The following METTL16 variants were observed in gnomAD, a reference collection of about 807,000 sequenced individuals.
METTL16 encodes the protein RNA N(6)-adenosine-methyltransferase METTL16.
A neutral mutation model predicts 57.9 loss-of-function variants in METTL16; 19 were observed. The observed-to-expected ratio is 0.33, with a 90% CI of 0.23 to 0.48. METTL16 has a LOEUF of 0.48. METTL16 is among the 20% of genes least tolerant of loss of function. The probability of loss-of-function intolerance (pLI) is 0.99; values close to 1 mark genes in which losing one functional copy is unlikely to be tolerated. For synonymous variants in METTL16, 246 were observed against 255.6 expected, an observed-to-expected ratio of 0.96 and a Z score of 0.36; for missense variants, 434 against 691.5, an observed-to-expected ratio of 0.63 and a Z score of 4.18.
intron 5 of METTL16, among the ~76,000 whole-genome samples, chr17:2,466,603 G>C (rs1249241603): frequency 6.6e-6 from 1 of 152,146 alleles, no homozygotes; most frequent in Non-Finnish European, 1.5e-5. Context: ...ATCTGCCTTA[G>C]ATACCAAAAT....
At chr17:2,450,769 G>C (rs971135357) in intron 6 of METTL16, among the ~76,000 whole-genome samples, 1 of 151,786 alleles carries the variant, frequency 6.6e-6, no homozygotes, top group Non-Finnish European at 1.5e-5. Flanking sequence ...TCACCTAATC[G>C]CATTAAAAGG....
intron 6 of METTL16, among the ~76,000 whole-genome samples, chr17:2,442,725 G>T (rs2066962910): frequency 6.6e-6 from 1 of 152,122 alleles, no homozygotes; most frequent in Non-Finnish European, 1.5e-5. Flanking sequence ...GTGTGAAGAG[G>T]TATAGAACAA....
chr17:2,455,600 G>A (rs1030733018), intron 6 of METTL16, among the ~76,000 whole-genome samples: 1 of 152,108 alleles, frequency 6.6e-6, no homozygotes, highest in African/African-American at 2.4e-5. Flanking sequence ...AATCAACAAG[G>A]CTGCCATATC....
At chr17:2,478,001 A>G (rs750532714) in intron 2 of METTL16, 116 bp from the exon 3 acceptor site, 3 of 736,956 alleles carry the variant, frequency 4.1e-6, no homozygotes, top group Non-Finnish European at 6.8e-6. Context: ...GAGATCACAC[A>G]CAGTTACACA....
At chr17:2,452,847 GT>G (rs1292002920) in intron 6 of METTL16, among the ~76,000 whole-genome samples, 1 of 151,692 alleles carries the variant, frequency 6.6e-6, no homozygotes, top group Non-Finnish European at 1.5e-5. Flanking sequence ...ATTGTTTTTT[GT>G]TTTTGTTTTT....
intron 6 of METTL16, among the ~76,000 whole-genome samples, chr17:2,457,621 T>C (rs767326247): frequency 4.0e-5 from 6 of 150,964 alleles, no homozygotes; most frequent in Non-Finnish European, 8.8e-5. Context: ...GGCAGGAGAA[T>C]TGCTTAAACC....
intron 6 of METTL16, among the ~76,000 whole-genome samples, chr17:2,445,523 C>T (rs7221319): frequency 0.25 from 37,604 of 152,050 alleles, 7,332 homozygotes; most frequent in African/African-American, 0.54. Flanking sequence ...TGGTGGCTCA[C>T]GCCTGTAATC....
At chr17:2,462,399 G>C (rs887398609) in intron 6 of METTL16, among the ~76,000 whole-genome samples, 2 of 152,176 alleles carry the variant, frequency 1.3e-5, no homozygotes, top group Non-Finnish European at 2.9e-5. Context: ...GACTGCTTGT[G>C]CAACAGTGAG....
chr17:2,492,897 CAAAAAAAA>C (rs56853674), intron 2 of METTL16, among the ~76,000 whole-genome samples: 1 of 75,912 alleles, frequency 1.3e-5, no homozygotes, highest in Non-Finnish European at 2.4e-5. Context: ...GACTCCGTCT[CAAAAAAAA>C]AAAAAAAAAA....
intron 1 of METTL16, among the ~76,000 whole-genome samples, chr17:2,506,697 C>A (rs2151581960): frequency 6.6e-6 from 1 of 152,246 alleles, no homozygotes; most frequent in Non-Finnish European, 1.5e-5. Flanking sequence ...CAGCCTCTGC[C>A]CAGCCGCCAC....
intron 1 of METTL16, among the ~76,000 whole-genome samples, chr17:2,508,617 G>C (rs754244468): frequency 6.6e-6 from 1 of 151,908 alleles, no homozygotes; most frequent in Non-Finnish European, 1.5e-5. Flanking sequence ...CTCTGGCCCA[G>C]GTCATTATCA....
intron 8 of METTL16, among the ~76,000 whole-genome samples, chr17:2,435,599 T>C (rs2066903424): frequency 6.6e-6 from 1 of 152,230 alleles, no homozygotes; most frequent in Admixed American, 6.5e-5. Flanking sequence ...TGCCGTTTTT[T>C]CCTGTAGCGG....
At chr17:2,421,113 G>C (rs553736118) in intron 8 of METTL16, among the ~76,000 whole-genome samples, 231 of 152,270 alleles carry the variant, frequency 1.5e-3, no homozygotes, top group African/African-American at 5.2e-3. Context: ...CAGCACTTTG[G>C]GGGGCCATGG....
At chr17:2,480,516 G>C (rs1184220946) in intron 2 of METTL16, among the ~76,000 whole-genome samples, 1 of 152,168 alleles carries the variant, frequency 6.6e-6, no homozygotes, top group Non-Finnish European at 1.5e-5. Context: ...AGCATACCTA[G>C]AGTGCCAGAC....
chr17:2,441,642 A>G, intron 6 of METTL16, 83 bp from the exon 7 acceptor site: 1 of 787,914 alleles, frequency 1.3e-6, no homozygotes, highest in South Asian at 2.4e-5. Context: ...GAATAAGATG[A>G]GAACAGTAAC....
intron 8 of METTL16, among the ~76,000 whole-genome samples, chr17:2,422,254 G>A (rs979171309): frequency 3.3e-5 from 5 of 151,186 alleles, no homozygotes; most frequent in African/African-American, 1.2e-4. Context: ...AAAGGTTGCA[G>A]TGAGCCAAAG....
At chr17:2,510,994 A>G (rs903369882) in intron 1 of METTL16, among the ~76,000 whole-genome samples, 4 of 152,074 alleles carry the variant, frequency 2.6e-5, no homozygotes, top group Admixed American at 2.6e-4. Context: ...TGTCTTGTTC[A>G]CCGCATATCC....
At chr17:2,429,776 G>A (rs2066855836) in intron 8 of METTL16, among the ~76,000 whole-genome samples, 1 of 151,282 alleles carries the variant, frequency 6.6e-6, no homozygotes, top group African/African-American at 2.4e-5. Context: ...CAAAAAAAAA[G>A]AACAATCAAC....
intron 6 of METTL16, among the ~76,000 whole-genome samples, chr17:2,448,789 T>TAAAAAAAAAAAAAAAAAAAAAAAA (rs1288709390): frequency 2.1e-5 from 1 of 47,730 alleles, no homozygotes; most frequent in Non-Finnish European, 5.3e-5. Flanking sequence ...AATAAAAAAA[T>TAAAAAAAAAAAAAAAAAAAAAAAA]AAAAATAAAA....
Sources: allele counts gnomAD v4.1 joint callset (sites outside exome capture counted in the v4.1 genomes callset), GRCh38; gene constraint gnomAD v4.1.1; transcripts MANE v1.5; gene names NCBI Gene and HGNC (gene_info 2026-07-23, HGNC 2026-07-21).